The following FYTTD1 variants were observed in gnomAD, a reference collection of about 807,000 sequenced individuals.
FYTTD1 encodes UAP56-interacting factor.
Under a neutral mutation model 40.9 loss-of-function variants are expected in FYTTD1, and 22 were observed. The observed-to-expected ratio is 0.54, with a 90% CI of 0.38 to 0.77. The LOEUF is 0.77. Among genes scored for constraint, FYTTD1 ranks in the 30% least tolerant of loss-of-function variants. The probability of loss-of-function intolerance (pLI) is 0.00; values close to 1 mark genes in which losing one functional copy is unlikely to be tolerated. For missense variants in FYTTD1, 351 were observed against 392.2 expected (o/e 0.90, Z 0.89); for synonymous variants, 140 against 137.9 (o/e 1.01, Z -0.10).
chr3:197,774,599 T>G (rs1729817064), intron 6 of FYTTD1, among the ~76,000 whole-genome samples: 1 of 151,182 alleles, frequency 6.6e-6, no homozygotes. Context: ...CGATGACCAG[T>G]GCACACCAGC....
chr3:197,774,251 C>T (rs1391362474), intron 6 of FYTTD1, 41 bp downstream of exon 6: 1 of 1,475,046 alleles, frequency 6.8e-7, no homozygotes, highest in Non-Finnish European at 9.5e-7. Flanking sequence ...TTTCAAAACT[C>T]CCAGAATACT....
chr3:197,774,461 A>G (rs1037785895), intron 6 of FYTTD1, among the ~76,000 whole-genome samples: 1 of 152,208 alleles, frequency 6.6e-6, no homozygotes, highest in Non-Finnish European at 1.5e-5. Flanking sequence ...GCCACTGCAC[A>G]CCAGCCTGAG....
At chr3:197,761,338 C>A (rs201573525) in intron 2 of FYTTD1, among the ~76,000 whole-genome samples, 7,353 of 142,038 alleles carry the variant, frequency 0.052, no homozygotes, top group African/African-American at 0.14. Flanking sequence ...GAGTGTATAG[C>A]ATGTTCTTCA....
intron 1 of FYTTD1, chr3:197,750,479 G>C (rs1451377885): frequency 1.0e-6 from 1 of 991,986 alleles, no homozygotes; most frequent in Admixed American, 6.1e-5. Flanking sequence ...GGAGCGAGGG[G>C]AATGGTCCGA....
intron 1 of FYTTD1, among the ~76,000 whole-genome samples, chr3:197,752,575 G>A (rs1290502804): frequency 6.6e-6 from 1 of 151,560 alleles, no homozygotes; most frequent in Non-Finnish European, 1.5e-5. Flanking sequence ...ATGTATATAT[G>A]GCTTTATTTT....
intron 2 of FYTTD1, among the ~76,000 whole-genome samples, chr3:197,764,430 C>T (rs1413160501): frequency 6.6e-6 from 1 of 152,078 alleles, no homozygotes; most frequent in Admixed American, 6.5e-5. Flanking sequence ...GAGGAGGAGG[C>T]GGGGCCAAGT....
upstream of FYTTD1, chr3:197,749,658 C>A (rs1438444076): frequency 1.3e-6 from 1 of 789,742 alleles, no homozygotes; most frequent in East Asian, 4.6e-5. Context: ...GAGGTGCCCG[C>A]GGTCTAGCAT....
rs1206455423 is a variant in FYTTD1 at position 197,759,191 on chromosome 3, T to G, written c.235+2634T>G. 2.0e-5 allele frequency among the ~76,000 whole-genome samples: 3 copies of G among 149,904 alleles called. No individual in the cohort carries two copies. In the East Asian group the frequency reaches 5.8e-4, roughly 29 times the overall value. On this transcript the variant is annotated intron_variant, in intron 2 of 8. Transcript: ENST00000241502. ...TAGAATGTATAGAGTTGTTCCTCAG[T>G]GGTAGAATGTATAGAGTGTTCTTCA...
chr3:197,766,632 G>C (rs1416410275), intron 2 of FYTTD1, among the ~76,000 whole-genome samples: 1 of 151,918 alleles, frequency 6.6e-6, no homozygotes, highest in African/African-American at 2.4e-5. Flanking sequence ...TTCTAGAGAT[G>C]GGGTGTCGCC....
rs747761697 is a variant in FYTTD1, at chr3:197,756,493, C to T, written c.171C>T (p.Leu57=). ...KQNFPRLNRR[L]LQQSGAQQFR... is the part of the protein sequence containing the mutation. ...ATTTTCCAAGACTAAATAGAAGACT[C>T]CTCCAGCAAAGTGGTGCCCAGCAAT... The change falls in exon 2 of 9, where the codon CTC becomes CTT. Residue 57 remains leucine, a synonymous_variant. Coordinates refer to ENST00000241502, the MANE Select transcript of FYTTD1 (RefSeq NM_032288.7). 1.2e-6 allele frequency: 2 copies of T among 1,611,960 alleles called. No homozygotes were observed. Among genetic ancestry groups the T allele is most frequent in the Admixed American group, 1.7e-5 (1 of 60,012 alleles).
chr3:197,756,681 G>C, intron 2 of FYTTD1, 124 bp downstream of exon 2: 1 of 908,992 alleles, frequency 1.1e-6, no homozygotes, highest in Non-Finnish European at 1.7e-6. Flanking sequence ...TTTCCTCTAT[G>C]CCTAGGTTTT....
chr3:197,753,342 T>C (rs6583253), intron 1 of FYTTD1, among the ~76,000 whole-genome samples: 129,753 of 152,156 alleles, frequency 0.85, 55,473 homozygotes, highest in East Asian at 1. Flanking sequence ...ATCGGTGTTA[T>C]GGTGATACTT....
At chr3:197,762,445 C>T (rs572439625) in intron 2 of FYTTD1, among the ~76,000 whole-genome samples, 17 of 151,656 alleles carry the variant, frequency 1.1e-4, no homozygotes, top group Admixed American at 3.9e-4. Flanking sequence ...AAAAATTAGC[C>T]GGGCATGGTG....
At position 197,770,307 on chromosome 3, in the gene FYTTD1, G is replaced by A; in HGVS notation, c.497+63G>A. The A allele has an allele frequency of 6.0e-6, 6 of 1,000,394 alleles. No homozygotes were observed. In the South Asian group the frequency reaches 8.7e-5, roughly 14 times the overall value. The allele number at this position is 1,000,394 out of a possible 1,614,324, so 62.0% of individuals were successfully genotyped here. A position where few individuals can be genotyped will look rare whatever the true frequency, so the allele number is the denominator to read the frequency against. ...AAAAACACTTCCTGCATTAAGTGGT[G>A]TGAAGAATGGATTTGCAGTGATTTT... is the stretch of plus-strand genomic sequence containing the variant. On this transcript the variant is annotated intron_variant, in intron 4 of 8. Coordinates refer to ENST00000241502, the MANE Select transcript of FYTTD1 (RefSeq NM_032288.7).
At chr3:197,775,967 C>T (rs1001208896) in intron 6 of FYTTD1, among the ~76,000 whole-genome samples, 7 of 152,058 alleles carry the variant, frequency 4.6e-5, no homozygotes, top group Non-Finnish European at 5.9e-5. Context: ...AAAGGAAGAG[C>T]TGACAGAAAG....
Position 197,763,264 on chromosome 3 carries a change from A to G in FYTTD1, c.236-5175A>G, listed in dbSNP as rs150927143. 2.7e-3 allele frequency among the ~76,000 whole-genome samples: 414 copies of G among 152,010 alleles called. 1 individual carries two copies. The highest frequency in any genetic ancestry group is 9.6e-3 in the African/African-American group (396 of 41,460). On this transcript the variant is annotated intron_variant, in intron 2 of 8. Transcript: ENST00000241502. ...CCCTATCTCTACTAAAAATACAACA[A>G]TTAGCCGGGTGTGGTGGCACATAGC...
intron 1 of FYTTD1, among the ~76,000 whole-genome samples, chr3:197,751,644 C>T (rs1041398382): frequency 1.3e-5 from 2 of 150,926 alleles, no homozygotes; most frequent in East Asian, 1.9e-4. Context: ...CCCGCTCTCC[C>T]CCCCCGCAAA....
At chr3:197,771,296 T>G (rs981443791) in intron 4 of FYTTD1, among the ~76,000 whole-genome samples, 1 of 152,208 alleles carries the variant, frequency 6.6e-6, no homozygotes, top group Admixed American at 6.5e-5. Context: ...CCTTATTCAG[T>G]TTCAAGTATT....
chr3:197,769,174 A>C (rs1438897336), intron 3 of FYTTD1, among the ~76,000 whole-genome samples: 2 of 151,408 alleles, frequency 1.3e-5, no homozygotes, highest in African/African-American at 4.9e-5. Context: ...TGCAACCTCC[A>C]CCTCCTGGTT....
Sources: allele counts gnomAD v4.1 joint callset (sites outside exome capture counted in the v4.1 genomes callset), GRCh38; gene constraint gnomAD v4.1.1; transcripts MANE v1.5; gene names NCBI Gene and HGNC (gene_info 2026-07-23, HGNC 2026-07-21).